Variants in LDHA observed in about 807,000 individuals in gnomAD.
LDHA encodes the protein L-lactate dehydrogenase A chain.
In LDHA, 10 loss-of-function variants were observed where a neutral mutation model predicts 36.3. The observed-to-expected ratio is 0.28, with a 90% CI of 0.17 to 0.47. LDHA has a LOEUF of 0.47. Among genes scored for constraint, LDHA ranks in the 20% least tolerant of loss-of-function variants. The pLI is 0.99. For synonymous variants in LDHA, 110 were observed against 136.7 expected, an observed-to-expected ratio of 0.80 and a Z score of 1.36; for missense variants, 267 against 405.8, an observed-to-expected ratio of 0.66 and a Z score of 2.94.
At chr11:18,394,791 G>A in intron 1 of LDHA, 155 bp downstream of exon 1, 1 of 384,874 alleles carries the variant, frequency 2.6e-6, no homozygotes. Context: ...ACGTCTGGGC[G>A]GCGGCCCACA....
In LDHA at chr11:18,407,164, T is replaced by C. The variant is rs1456601311; in HGVS notation, c.882T>C (p.Ile294=). 1.9e-6 allele frequency: 3 copies of C among 1,612,388 alleles called. No individual in the cohort carries two copies. Among genetic ancestry groups the C allele is most frequent in the Admixed American group, 1.7e-5 (1 of 59,764 alleles). The part of the protein sequence containing the change: ...KDDVFLSVPC[I]LGQNGISDLV... ...ATGTCTTCCTTAGTGTTCCTTGCATTTTGGGACAGAATGGAATCTCAGACC... is the reference window on the plus strand; with the variant it reads ...ATGTCTTCCTTAGTGTTCCTTGCATCTTGGGACAGAATGGAATCTCAGACC... Residue 294 remains isoleucine, a synonymous_variant, in exon 8 of 8, where the codon ATT becomes ATC. Transcript: ENST00000422447.
Position 18,399,465 on chromosome 11 carries a change from T to C in LDHA, c.161T>C (p.Ile54Thr). 6.2e-7 allele frequency: 1 copy of C among 1,613,554 alleles called. No homozygotes were observed. The highest frequency in any genetic ancestry group is 8.5e-7 in the Non-Finnish European group (1 of 1,179,614). The change falls in exon 3 of 8, where the codon ATC becomes ACC. Residue 54 changes from isoleucine (I) to threonine (T), a missense_variant. By Grantham distance (89) the Ile-to-Thr change is moderately conservative. Coordinates refer to ENST00000422447, the MANE Select transcript of LDHA (RefSeq NM_005566.4). ...LADELALVDVIEDKLKGEMMD... is the reference protein window; with the variant it reads ...LADELALVDVTEDKLKGEMMD... ...GATGAACTTGCTCTTGTTGATGTCA[T>C]CGAAGACAAATTGAAGGGAGAGATG... is the stretch of plus-strand genomic sequence containing the variant.
rs1197927165 is a variant in LDHA, at chr11:18,407,496, T to C, written c.*215T>C. The C allele has an allele frequency of 1.0e-6, 1 of 968,092 alleles. No homozygotes were observed. The highest frequency in any genetic ancestry group is 1.6e-6 in the Non-Finnish European group (1 of 624,328). 60.0% of individuals were successfully genotyped at this position (968,092 alleles called of 1,614,324 possible). The stretch of plus-strand genomic sequence containing the variant: ...GGATGGTATTAATCTTGTGTAGTCT[T>C]CAACTGGTTAGTGTGAAATAGTTCT... On this transcript the variant is annotated 3_prime_UTR_variant, in exon 8 of 8. Transcript: ENST00000422447.
rs139369990 is a variant in LDHA at position 18,397,072 on chromosome 11, A to G, written c.126+104A>G. On this transcript the variant is annotated intron_variant, in intron 2 of 7. Coordinates refer to ENST00000422447, the MANE Select transcript of LDHA (RefSeq NM_005566.4). ...TATTACATTTCATGTAACAGTATTT[A>G]GATTTATGCACTCATTCGGATAACT... The G allele has an allele frequency of 4.3e-5, 44 of 1,020,470 alleles. 1 individual carries two copies. The East Asian group carries it at 1.0e-3, about 24-fold the overall frequency. The allele number at this position is 1,020,470 out of a possible 1,614,324, so 63.2% of individuals were successfully genotyped here.
At chr11:18,396,614 T>C in intron 1 of LDHA, 1 of 1,401,056 alleles carries the variant, frequency 7.1e-7, no homozygotes, top group Non-Finnish European at 9.2e-7. Context: ...CGCTAAGGTA[T>C]GGGCCTTCAC....
At chr11:18,395,766 C>A (rs1458605793) in intron 1 of LDHA, among the ~76,000 whole-genome samples, 3 of 152,208 alleles carry the variant, frequency 2.0e-5, no homozygotes, top group Admixed American at 6.5e-5. Flanking sequence ...GGAAAGAATT[C>A]GAGGGTTCCA....
In LDHA at chr11:18,400,799, A is replaced by G. The variant is rs759821060; in HGVS notation, c.245-38A>G. The stretch of plus-strand genomic sequence containing the variant: ...TTGCTGCCTAGGTAAAATTTATTCT[A>G]AAGGCCTTAATCTGGTCATTATTCC... On this transcript the variant is annotated intron_variant, in intron 3 of 7. Coordinates refer to ENST00000422447, the MANE Select transcript of LDHA (RefSeq NM_005566.4). The G allele has an allele frequency of 3.4e-6, 5 of 1,482,860 alleles. No homozygotes were observed. The African/African-American group carries it at 6.9e-5, about 21-fold the overall frequency. The allele number at this position is 1,482,860 out of a possible 1,614,324, so 91.9% of individuals were successfully genotyped here.
At chr11:18,405,706 CTT>C in intron 7 of LDHA, 134 bp downstream of exon 7, 1 of 989,704 alleles carries the variant, frequency 1.0e-6, no homozygotes, top group South Asian at 1.3e-5. Context: ...CACAGCTTAC[CTT>C]TTTTGAAAGA....
In LDHA at chr11:18,399,517, C is replaced by T. The variant is rs978954698; in HGVS notation, c.213C>T (p.Phe71=). The T allele has an allele frequency of 6.2e-7, 1 of 1,609,940 alleles. No homozygotes were observed. Among genetic ancestry groups the T allele is most frequent in the Non-Finnish European group, 8.5e-7 (1 of 1,176,228 alleles). ...TGGATCTCCAACATGGCAGCCTTTT[C>T]CTTAGAACACCAAAGATTGTCTCTG... ...EMMDLQHGSL[F]LRTPKIVSGK... The change falls in exon 3 of 8, where the codon TTC becomes TTT. Residue 71 remains phenylalanine, a synonymous_variant. Transcript: ENST00000422447.
Position 18,407,465 on chromosome 11 carries a change from G to C in LDHA, c.*184G>C, listed in dbSNP as rs1478656534. ...TTTGTAAAATCCACAGCTATATCCTGATGCTGGATGGTATTAATCTTGTGT... is the reference window on the plus strand; with the variant it reads ...TTTGTAAAATCCACAGCTATATCCTCATGCTGGATGGTATTAATCTTGTGT... On this transcript the variant is annotated 3_prime_UTR_variant, in exon 8 of 8. Coordinates refer to ENST00000422447, the MANE Select transcript of LDHA (RefSeq NM_005566.4). 1 of 1,193,510 alleles carries C rather than the reference G, an allele frequency of 8.4e-7. No homozygotes were observed. 73.9% of individuals were successfully genotyped at this position (1,193,510 alleles called of 1,614,324 possible).
chr11:18,405,784 C>T, intron 7 of LDHA: 1 of 506,610 alleles, frequency 2.0e-6, no homozygotes, highest in South Asian at 2.1e-5. Context: ...GATAATTTGA[C>T]TACAAAAAAG....
At chr11:18,397,056 T>A in intron 2 of LDHA, 88 bp downstream of exon 2, 1 of 1,181,896 alleles carries the variant, frequency 8.5e-7, no homozygotes, top group Non-Finnish European at 1.3e-6. Flanking sequence ...TTATTACATT[T>A]CATGTAACAG....
At chr11:18,399,197 A>G (rs1866395519) in intron 2 of LDHA, 3 of 487,950 alleles carry the variant, frequency 6.1e-6, no homozygotes, top group East Asian at 8.0e-5. Flanking sequence ...TGGAACTCCT[A>G]TAGAGCTCGC....
chr11:18,407,693 A>G lies in LDHA; in HGVS notation c.*412A>G, dbSNP rs1565041550. 1 of 510,578 alleles carries G rather than the reference A, an allele frequency of 2.0e-6. No individual in the cohort carries two copies. Among genetic ancestry groups the G allele is most frequent in the Non-Finnish European group, 3.8e-6 (1 of 264,732 alleles). The allele number at this position is 510,578 out of a possible 1,614,324, so 31.6% of individuals were successfully genotyped here. On this transcript the variant is annotated 3_prime_UTR_variant, in exon 8 of 8. Coordinates refer to ENST00000422447, the MANE Select transcript of LDHA (RefSeq NM_005566.4). ...GGATCCAGTGTATAAATCCAATATC[A>G]TGTCTTGTGCATAATTCTTCCAAAG...
chr11:18,404,235 C>A (rs2134030378), intron 6 of LDHA, among the ~76,000 whole-genome samples: 1 of 152,256 alleles, frequency 6.6e-6, no homozygotes, highest in African/African-American at 2.4e-5. Flanking sequence ...AGGGCAAAAC[C>A]CTGTCTCTAC....
rs1866318245 is a variant in LDHA, at chr11:18,396,730, C to A, written c.-24-89C>A. On this transcript the variant is annotated intron_variant, in intron 1 of 7. Coordinates refer to ENST00000422447, the MANE Select transcript of LDHA (RefSeq NM_005566.4). ...CTAGTGATTTATAGTGGCAAATACC[C>A]CCAAAGGAAGTAAAATAGCTTAAAA... The A allele has an allele frequency of 7.1e-6, 10 of 1,403,472 alleles. No homozygotes were observed. In the East Asian group the frequency reaches 2.3e-4, roughly 32 times the overall value. 86.9% of individuals were successfully genotyped at this position (1,403,472 alleles called of 1,614,324 possible).
chr11:18,395,019 C>A (rs1407565443), intron 1 of LDHA: 1 of 215,662 alleles, frequency 4.6e-6, no homozygotes. Flanking sequence ...GTTCTCGGAG[C>A]CCATAGAGCC....
At chr11:18,398,947 G>A (rs1248538517) in intron 2 of LDHA, 1 of 196,606 alleles carries the variant, frequency 5.1e-6, no homozygotes, top group Admixed American at 5.3e-5. Flanking sequence ...GACCTCAAGT[G>A]ATGTGCCCGC....
At chr11:18,401,712 C>T (rs1374786304) in intron 4 of LDHA, among the ~76,000 whole-genome samples, 3 of 146,428 alleles carry the variant, frequency 2.0e-5, no homozygotes, top group South Asian at 2.2e-4. Flanking sequence ...CTCCTGACCT[C>T]GTGATCTGCC....
Sources: allele counts gnomAD v4.1 joint callset (sites outside exome capture counted in the v4.1 genomes callset), GRCh38; gene constraint gnomAD v4.1.1; transcripts MANE v1.5; gene names NCBI Gene and HGNC (gene_info 2026-07-23, HGNC 2026-07-21).